Variants in FRMD4B observed in about 807,000 individuals in gnomAD.
FRMD4B encodes the protein FERM domain-containing protein 4B.
In FRMD4B, 74 loss-of-function variants were observed where a neutral mutation model predicts 141.5. The observed-to-expected ratio is 0.52, with a 90% confidence interval of 0.43 to 0.63. The LOEUF (loss-of-function observed/expected upper bound fraction) is 0.63. Among genes scored for constraint, FRMD4B ranks in the 30% least tolerant of loss-of-function variants. FRMD4B has a pLI of 0.00. For synonymous variants in FRMD4B, 506 were observed against 467.9 expected (o/e 1.08, Z -1.05); for missense variants, 1,366 against 1,253.4 (o/e 1.09, Z -1.36).
At chr3:69,223,342 C>T (rs1415757464) in intron 8 of FRMD4B, among the ~76,000 whole-genome samples, 1 of 151,992 alleles carries the variant, frequency 6.6e-6, no homozygotes, top group Non-Finnish European at 1.5e-5. Context: ...GGTGAAACAC[C>T]TTCTCTACTG....
At chr3:69,382,843 C>T (rs536449485) in intron 1 of FRMD4B, among the ~76,000 whole-genome samples, 3 of 151,650 alleles carry the variant, frequency 2.0e-5, no homozygotes, top group East Asian at 1.9e-4. Flanking sequence ...AAGAAACCAG[C>T]TGAAGATAAA....
chr3:69,205,998 C>A (rs1354187534), intron 11 of FRMD4B, among the ~76,000 whole-genome samples: 2 of 152,064 alleles, frequency 1.3e-5, no homozygotes, highest in Non-Finnish European at 2.9e-5. Flanking sequence ...ATAAAAGTAC[C>A]CAAATGGTAT....
At chr3:69,344,375 G>T (rs961821285) in intron 1 of FRMD4B, among the ~76,000 whole-genome samples, 1 of 152,194 alleles carries the variant, frequency 6.6e-6, no homozygotes, top group Non-Finnish European at 1.5e-5. Context: ...AGGAAAGGAA[G>T]GGAAAGAGGG....
chr3:69,403,627 A>G (rs1486436802), intron 2 of FRMD4B, among the ~76,000 whole-genome samples: 1 of 152,238 alleles, frequency 6.6e-6, no homozygotes, highest in Non-Finnish European at 1.5e-5. Flanking sequence ...GAGAGGAGAA[A>G]CAGGCAAGAC....
intron 1 of FRMD4B, among the ~76,000 whole-genome samples, chr3:69,345,401 T>C (rs967763828): frequency 1.3e-5 from 2 of 152,160 alleles, no homozygotes; most frequent in African/African-American, 2.4e-5. Flanking sequence ...GTAGACTCCA[T>C]CTCTGGGGGC....
At chr3:69,287,981 A>T in intron 4 of FRMD4B, 145 bp from the exon 5 acceptor site, 1 of 582,780 alleles carries the variant, frequency 1.7e-6, no homozygotes, top group East Asian at 2.8e-5. Context: ...AGAAATATGC[A>T]CCGCACGTAT....
chr3:69,270,354 A>G (rs988377408), intron 5 of FRMD4B, among the ~76,000 whole-genome samples: 5 of 152,194 alleles, frequency 3.3e-5, no homozygotes, highest in African/African-American at 4.8e-5. Context: ...CATGTGAAGC[A>G]CTGCAGGAAG....
At chr3:69,256,896 G>A (rs1284218581) in intron 5 of FRMD4B, among the ~76,000 whole-genome samples, 1 of 152,184 alleles carries the variant, frequency 6.6e-6, no homozygotes, top group Non-Finnish European at 1.5e-5. Flanking sequence ...TGGTCTCAGT[G>A]ATATAATGCC....
intron 1 of FRMD4B, among the ~76,000 whole-genome samples, chr3:69,446,916 G>C (rs1705418477): frequency 6.6e-6 from 1 of 152,132 alleles, no homozygotes; most frequent in African/African-American, 2.4e-5. Flanking sequence ...TGATTGTGTA[G>C]GTAGTGACTG....
chr3:69,233,030 G>A (rs926316694), intron 7 of FRMD4B, among the ~76,000 whole-genome samples: 2 of 151,128 alleles, frequency 1.3e-5, no homozygotes, highest in Non-Finnish European at 2.9e-5. Flanking sequence ...GGGATTACAG[G>A]CATGAACCAC....
chr3:69,351,940 G>A (rs1375335738), intron 1 of FRMD4B, among the ~76,000 whole-genome samples: 1 of 152,150 alleles, frequency 6.6e-6, no homozygotes, highest in Non-Finnish European at 1.5e-5. Context: ...CCATCACCCT[G>A]CCTCCTGATA....
chr3:69,499,546 C>T (rs1203847021), intron 1 of FRMD4B, among the ~76,000 whole-genome samples: 2 of 152,060 alleles, frequency 1.3e-5, no homozygotes, highest in Non-Finnish European at 1.5e-5. Context: ...GGTTTATGAC[C>T]GAAGTAATTA....
At chr3:69,398,335 G>T (rs1261617424) in intron 2 of FRMD4B, among the ~76,000 whole-genome samples, 2 of 152,130 alleles carry the variant, frequency 1.3e-5, no homozygotes, top group African/African-American at 4.8e-5. Context: ...TACTTACAAT[G>T]TGTAGTGATC....
intron 1 of FRMD4B, among the ~76,000 whole-genome samples, chr3:69,335,738 T>G (rs530487592): frequency 5.3e-5 from 8 of 151,644 alleles, no homozygotes; most frequent in African/African-American, 1.7e-4. Context: ...CTGAGTTTTT[T>G]TTTTTTTTTT....
intron 5 of FRMD4B, among the ~76,000 whole-genome samples, chr3:69,281,336 A>T (rs960167296): frequency 6.6e-6 from 1 of 152,204 alleles, no homozygotes; most frequent in African/African-American, 2.4e-5. Context: ...AATACCTGGA[A>T]AATGAAATTA....
chr3:69,333,579 T>G (rs1702449342), intron 1 of FRMD4B, among the ~76,000 whole-genome samples: 1 of 152,242 alleles, frequency 6.6e-6, no homozygotes, highest in African/African-American at 2.4e-5. Flanking sequence ...CCTCTTCTTC[T>G]GCAACACAGG....
intron 2 of FRMD4B, among the ~76,000 whole-genome samples, chr3:69,431,719 A>G (rs1023271683): frequency 1.3e-5 from 2 of 152,204 alleles, no homozygotes; most frequent in East Asian, 3.8e-4. Flanking sequence ...TGGTAGGGCA[A>G]GATCTCCAGA....
At chr3:69,180,822 C>G in intron 21 of FRMD4B, 77 bp downstream of exon 21, 1 of 989,298 alleles carries the variant, frequency 1.0e-6, no homozygotes. Context: ...TCTCATGATC[C>G]GTGAGGCGGT....
At chr3:69,263,045 G>C (rs1250235517) in intron 5 of FRMD4B, among the ~76,000 whole-genome samples, 1 of 152,016 alleles carries the variant, frequency 6.6e-6, no homozygotes, top group Non-Finnish European at 1.5e-5. Context: ...GATCACCTGA[G>C]GTCGGGAGTT....
Sources: gnomAD v4.1 joint callset for allele counts (sites outside exome capture counted in the v4.1 genomes callset) on GRCh38, gnomAD v4.1.1 for gene constraint, MANE v1.5 for transcripts, NCBI Gene and HGNC (gene_info 2026-07-23, HGNC 2026-07-21) for gene names.